Variants in GRIP1 observed in about 807,000 individuals in gnomAD.
GRIP1 encodes the protein glutamate receptor interacting protein 1, also known as glutamate receptor-interacting protein 1.
GRIP1 carries 45 observed loss-of-function variants against 129.9 expected under a neutral mutation model. The ratio of observed to expected loss-of-function variants is 0.35; its 90% CI spans 0.27 to 0.44. The LOEUF (loss-of-function observed/expected upper bound fraction) is 0.44, where lower values mean the gene tolerates loss of function less well. Ranked by LOEUF, GRIP1 falls within the 20% of genes least tolerant of loss-of-function variation. The pLI is 1.00. For missense variants in GRIP1, 1,196 were observed against 1,396.8 expected, an observed-to-expected ratio of 0.86 and a Z score of 2.29; for synonymous variants, 530 against 520.8, an observed-to-expected ratio of 1.02 and a Z score of -0.24.
chr12:66,640,715 AAG>A (rs927405924), intron 1 of GRIP1, among the ~76,000 whole-genome samples: 4 of 152,208 alleles, frequency 2.6e-5, no homozygotes, highest in Non-Finnish European at 4.4e-5. Context: ...TAAAAAAACT[AAG>A]AGAGAATTAT....
chr12:66,435,365 G>C (rs993459332), intron 13 of GRIP1, among the ~76,000 whole-genome samples: 13 of 152,146 alleles, frequency 8.5e-5, no homozygotes, highest in African/African-American at 3.1e-4. Flanking sequence ...ATCACGCCCA[G>C]CTAATTTTTG....
chr12:66,903,010 C>A (rs560432279), intron 1 of GRIP1, among the ~76,000 whole-genome samples: 1 of 152,188 alleles, frequency 6.6e-6, no homozygotes, highest in South Asian at 2.1e-4. Flanking sequence ...ATTATTTATA[C>A]AAACACAGTT....
At chr12:66,764,423 T>A (rs2037565148) in intron 1 of GRIP1, among the ~76,000 whole-genome samples, 1 of 152,234 alleles carries the variant, frequency 6.6e-6, no homozygotes, top group African/African-American at 2.4e-5. Flanking sequence ...TCATTTATGA[T>A]GTTTTCCATA....
At chr12:66,889,504 C>A (rs559085836) in intron 1 of GRIP1, among the ~76,000 whole-genome samples, 1 of 152,216 alleles carries the variant, frequency 6.6e-6, no homozygotes, top group African/African-American at 2.4e-5. Context: ...TTTTGGAGAA[C>A]TATAATCCAA....
intron 5 of GRIP1, among the ~76,000 whole-genome samples, chr12:66,524,872 C>A (rs528370349): frequency 1.3e-5 from 2 of 152,154 alleles, no homozygotes; most frequent in African/African-American, 2.4e-5. Context: ...CAAAGAAATA[C>A]AAACTACCAT....
chr12:66,656,682 G>A (rs2033177118), intron 1 of GRIP1, among the ~76,000 whole-genome samples: 1 of 152,148 alleles, frequency 6.6e-6, no homozygotes, highest in South Asian at 2.1e-4. Context: ...CAAAAGTAAA[G>A]GCTGTATCCT....
rs539779717 is a variant in GRIP1 at position 66,574,190 on chromosome 12, C to T, written c.136+22657G>A. Among the ~76,000 whole-genome samples the T allele has an allele frequency of 2.2e-4, 33 of 152,230 alleles. No individual in the cohort carries two copies. The South Asian group carries it at 6.8e-3, about 32-fold the overall frequency. On this transcript the variant is annotated intron_variant, in intron 2 of 24. Coordinates refer to ENST00000359742, the MANE Select transcript of GRIP1 (RefSeq NM_001366722.1). ...CATCTGCAGGGCTGGGTCAGGGATGCCCCCCACCCACCCAAGATATGGTTC... is the reference window on the plus strand; with the variant it reads ...CATCTGCAGGGCTGGGTCAGGGATGTCCCCCACCCACCCAAGATATGGTTC...
chr12:66,746,609 G>C (rs1048721886), intron 1 of GRIP1, among the ~76,000 whole-genome samples: 1 of 152,110 alleles, frequency 6.6e-6, no homozygotes, highest in Non-Finnish European at 1.5e-5. Flanking sequence ...CTCTCTACTC[G>C]TGCTGGTCTA....
rs532222643 is a variant in GRIP1 at position 66,690,958 on chromosome 12, A to C, written c.-419-60622T>G. ...AAAAACAAAACAACAAAACAAAAAA[A>C]CCTCCATACTGTTTTCCATAATGGT... is the stretch of plus-strand genomic sequence containing the variant. On this transcript the variant is annotated intron_variant, in intron 1 of 4. Coordinates refer to the GRIP1 transcript ENST00000538373. Among the ~76,000 whole-genome samples the C allele has an allele frequency of 1.6e-4, 25 of 151,824 alleles. No individual in the cohort carries two copies. The East Asian group carries it at 4.9e-3, about 30-fold the overall frequency.
chr12:66,517,798 AG>A, intron 6 of GRIP1, 102 bp downstream of exon 6: 2 of 728,196 alleles, frequency 2.7e-6, no homozygotes, highest in Admixed American at 4.0e-5. Flanking sequence ...TTTGCTTAAT[AG>A]CTACATTTTA....
chr12:66,662,556 A>C (rs1052017698), intron 1 of GRIP1, among the ~76,000 whole-genome samples: 1 of 152,132 alleles, frequency 6.6e-6, no homozygotes, highest in Non-Finnish European at 1.5e-5. Flanking sequence ...CTTTCTTTAG[A>C]TGATTGGGTG....
intron 1 of GRIP1, among the ~76,000 whole-genome samples, chr12:66,757,957 A>C (rs761584727): frequency 6.6e-6 from 1 of 152,178 alleles, no homozygotes; most frequent in Non-Finnish European, 1.5e-5. Flanking sequence ...TTGATGCATA[A>C]AAAATCTTAT....
chr12:66,900,658 T>G (rs373890138), intron 1 of GRIP1, among the ~76,000 whole-genome samples: 1 of 152,160 alleles, frequency 6.6e-6, no homozygotes, highest in East Asian at 1.9e-4. Context: ...ATATTACATT[T>G]CAGGCAAAAA....
chr12:66,462,853 G>T, intron 9 of GRIP1, 71 bp downstream of exon 9: 5 of 1,000,630 alleles, frequency 5.0e-6, no homozygotes, highest in African/African-American at 1.6e-5. Flanking sequence ...TCTTTCTGCT[G>T]TCTAACTCTG....
intron 1 of GRIP1, among the ~76,000 whole-genome samples, chr12:66,897,597 G>A (rs1487087464): frequency 6.6e-6 from 1 of 152,186 alleles, no homozygotes; most frequent in Non-Finnish European, 1.5e-5. Flanking sequence ...GGTGGCGGAT[G>A]AGCTAAACAG....
At chr12:66,495,651 C>T (rs1434342809) in intron 7 of GRIP1, among the ~76,000 whole-genome samples, 1 of 152,046 alleles carries the variant, frequency 6.6e-6, no homozygotes, top group Non-Finnish European at 1.5e-5. Flanking sequence ...GAGCCCCCCA[C>T]CCCCGTGCCC....
chr12:67,033,081 G>C (rs1349403496), intron 1 of GRIP1, among the ~76,000 whole-genome samples: 2 of 151,904 alleles, frequency 1.3e-5, no homozygotes, highest in African/African-American at 2.4e-5. Context: ...GTATGGGTTG[G>C]ACAGCTCAGA....
intron 7 of GRIP1, among the ~76,000 whole-genome samples, chr12:66,467,536 G>A (rs2059320644): frequency 6.6e-6 from 1 of 152,168 alleles, no homozygotes; most frequent in African/African-American, 2.4e-5. Context: ...CCTTAGTCAG[G>A]AGACCCTAGT....
intron 2 of GRIP1, among the ~76,000 whole-genome samples, chr12:66,566,604 C>T (rs1197589475): frequency 3.9e-5 from 6 of 152,008 alleles, no homozygotes; most frequent in African/African-American, 1.5e-4. Flanking sequence ...TGTGTCCTTG[C>T]CAGGCTTTGG....
Sources: allele counts gnomAD v4.1 joint callset (sites outside exome capture counted in the v4.1 genomes callset), GRCh38; gene constraint gnomAD v4.1.1; transcripts MANE v1.5; gene names NCBI Gene and HGNC (gene_info 2026-07-23, HGNC 2026-07-21).